The following RANBP10 variants were observed in gnomAD, a reference collection of about 807,000 sequenced individuals.
RANBP10 encodes the protein ran-binding protein 10.
In RANBP10, 24 loss-of-function variants were observed where a neutral mutation model predicts 72.8. The observed-to-expected ratio is 0.33, with a 90% confidence interval of 0.24 to 0.46. The LOEUF (loss-of-function observed/expected upper bound fraction) is 0.46. Among genes scored for constraint, RANBP10 ranks in the 20% least tolerant of loss-of-function variants. RANBP10 has a pLI of 1.00. For synonymous variants in RANBP10, 310 were observed against 322.3 expected (o/e 0.96, Z 0.41); for missense variants, 679 against 817.5 (o/e 0.83, Z 2.07).
rs146660508 is a variant in RANBP10, at chr16:67,733,863, C to A, written c.776+995G>T. 6.9e-3 allele frequency among the ~76,000 whole-genome samples: 1,045 copies of A among 152,292 alleles called. 14 individuals are homozygous for A. The highest frequency in any genetic ancestry group is 0.023 in the African/African-American group (949 of 41,556). ...ATGTGCTGAGCCTAGGCCCTGAAAA[C>A]TGAGAGTATCAGTTCCTCCCCTACA... On this transcript the variant is annotated intron_variant, in intron 6 of 13. Transcript: ENST00000317506.
At chr16:67,781,689 C>G (rs1158858150) in intron 2 of RANBP10, among the ~76,000 whole-genome samples, 1 of 152,138 alleles carries the variant, frequency 6.6e-6, no homozygotes, top group South Asian at 2.1e-4. Flanking sequence ...CATGAGTAGG[C>G]CTGTAACTTC....
intron 12 of RANBP10, 69 bp downstream of exon 12, chr16:67,727,682 C>G: frequency 6.2e-7 from 1 of 1,607,668 alleles, no homozygotes; most frequent in Non-Finnish European, 8.5e-7. Flanking sequence ...CCCCTGGACT[C>G]TCCCAGAGCC....
intron 3 of RANBP10, among the ~76,000 whole-genome samples, chr16:67,761,851 G>A (rs757922294): frequency 6.6e-6 from 1 of 152,072 alleles, no homozygotes; most frequent in Non-Finnish European, 1.5e-5. Flanking sequence ...AGTTATAGGC[G>A]TAAGCCACCG....
At chr16:67,769,435 C>A (rs1217814769) in intron 3 of RANBP10, among the ~76,000 whole-genome samples, 1 of 5,664 alleles carries the variant, frequency 1.8e-4, no homozygotes, top group Non-Finnish European at 6.5e-4. Context: ...CGAAGCAAGA[C>A]CCTGTCTCAA....
At chr16:67,788,289 G>C (rs1171594128) in intron 2 of RANBP10, among the ~76,000 whole-genome samples, 1 of 151,906 alleles carries the variant, frequency 6.6e-6, no homozygotes, top group African/African-American at 2.4e-5. Flanking sequence ...GTCTTGCTCT[G>C]TCGCCCAGGC....
At chr16:67,766,291 T>G (rs2054500793) in intron 3 of RANBP10, among the ~76,000 whole-genome samples, 1 of 152,146 alleles carries the variant, frequency 6.6e-6, no homozygotes, top group Non-Finnish European at 1.5e-5. Context: ...AATAAAAAAG[T>G]GATCCCAGAA....
chr16:67,781,090 G>A (rs969055463), intron 2 of RANBP10, among the ~76,000 whole-genome samples: 2 of 152,234 alleles, frequency 1.3e-5, no homozygotes, highest in Admixed American at 6.5e-5. Flanking sequence ...AGCCCCCAAA[G>A]CAGCCATTCA....
At chr16:67,749,878 C>A (rs1398751771) in intron 3 of RANBP10, among the ~76,000 whole-genome samples, 1 of 152,154 alleles carries the variant, frequency 6.6e-6, no homozygotes, top group African/African-American at 2.4e-5. Flanking sequence ...CCAGGTCTAG[C>A]TCAGACTGTG....
In RANBP10 at chr16:67,729,924, T is replaced by G. The variant is rs1597822433; in HGVS notation, c.998+14A>C. Reference sequence around the variant, plus strand: ...GGCTGGACTCTGGGGGAGCTGGGGGTGCCCAAGACTTACTTGAGCATGAAG... The same window carrying G: ...GGCTGGACTCTGGGGGAGCTGGGGGGGCCCAAGACTTACTTGAGCATGAAG... On this transcript the variant is annotated intron_variant, in intron 8 of 13. Coordinates refer to ENST00000317506, the MANE Select transcript of RANBP10 (RefSeq NM_020850.3). The surrounding 1 kb of genome is among the most constrained non-coding windows in gnomAD (Gnocchi z 7.1). The G allele has an allele frequency of 1.2e-6, 2 of 1,613,312 alleles. No homozygotes were observed. Among genetic ancestry groups the G allele is most frequent in the Non-Finnish European group, 1.7e-6 (2 of 1,179,912 alleles).
intron 3 of RANBP10, among the ~76,000 whole-genome samples, chr16:67,770,739 G>C (rs1195569409): frequency 6.6e-6 from 1 of 152,174 alleles, no homozygotes; most frequent in Non-Finnish European, 1.5e-5. Flanking sequence ...ATGAGCTGCT[G>C]GGCAGAAAAT....
chr16:67,735,255 G>A (rs2053819860), intron 5 of RANBP10, among the ~76,000 whole-genome samples: 2 of 152,216 alleles, frequency 1.3e-5, no homozygotes, highest in South Asian at 4.1e-4. Context: ...AGCAAGCAAG[G>A]CACATCATGG....
rs1197104719 is a variant in RANBP10 at position 67,726,249 on chromosome 16, A to T, written c.*179T>A. 1.2e-6 allele frequency: 1 copy of T among 865,664 alleles called. No homozygotes were observed. Among genetic ancestry groups the T allele is most frequent in the Admixed American group, 2.5e-5 (1 of 40,644 alleles). 53.6% of individuals were successfully genotyped at this position (865,664 alleles called of 1,614,324 possible). On this transcript the variant is annotated 3_prime_UTR_variant, in exon 14 of 14. Coordinates refer to ENST00000317506, the MANE Select transcript of RANBP10 (RefSeq NM_020850.3). Reference sequence around the variant, plus strand: ...GTGAAGGGGAGAGAGAGAGAGACTGAGCGGGGTGGTGGGCAGAGAAAGGAA... The same window carrying T: ...GTGAAGGGGAGAGAGAGAGAGACTGTGCGGGGTGGTGGGCAGAGAAAGGAA...
intron 3 of RANBP10, among the ~76,000 whole-genome samples, chr16:67,770,487 G>A (rs1034078203): frequency 2.6e-5 from 4 of 151,996 alleles, no homozygotes; most frequent in Admixed American, 6.6e-5. Context: ...AAAGACGTAA[G>A]GTCTGAGTGT....
At chr16:67,763,817 C>G (rs989737866) in intron 3 of RANBP10, among the ~76,000 whole-genome samples, 1 of 152,208 alleles carries the variant, frequency 6.6e-6, no homozygotes, top group African/African-American at 2.4e-5. Flanking sequence ...GCCTCAGCCT[C>G]CCGAGTAGCT....
In RANBP10 at chr16:67,789,603, G is replaced by A. The variant is rs182606182; in HGVS notation, c.347+15825C>T. On this transcript the variant is annotated intron_variant, in intron 2 of 13. Transcript: ENST00000317506. Reference sequence around the variant, plus strand: ...TCCTGCCTCAGCCTCCCAAGTAGCTGGGATTATAGGCACACACCACCACGC... The same window carrying A: ...TCCTGCCTCAGCCTCCCAAGTAGCTAGGATTATAGGCACACACCACCACGC... Among the ~76,000 whole-genome samples the A allele has an allele frequency of 2.2e-3, 330 of 151,566 alleles. 6 individuals carry two copies. The highest frequency in any genetic ancestry group is 7.7e-3 in the African/African-American group (316 of 41,150).
chr16:67,806,048 T>C (rs2055411351), intron 1 of RANBP10, among the ~76,000 whole-genome samples: 1 of 152,206 alleles, frequency 6.6e-6, no homozygotes, highest in South Asian at 2.1e-4. Flanking sequence ...ACGGAGGCCC[T>C]GGAGTGGAAG....
intron 2 of RANBP10, among the ~76,000 whole-genome samples, chr16:67,786,439 G>T (rs867102754): frequency 6.6e-6 from 1 of 152,136 alleles, no homozygotes; most frequent in Non-Finnish European, 1.5e-5. Context: ...CAAAAATAAA[G>T]AATTCCTATA....
In RANBP10 at chr16:67,724,301, C is replaced by T. The variant is rs1450896359; in HGVS notation, c.*2127G>A. The stretch of plus-strand genomic sequence containing the variant: ...CAACCCACAGGGATAAGGGATAGTC[C>T]CGGCTCTGCTACTAATTTGCTATGT... On this transcript the variant is annotated 3_prime_UTR_variant, in exon 14 of 14. Transcript: ENST00000317506. The T allele has an allele frequency of 6.6e-6, 1 of 152,210 alleles. No homozygotes were observed. Among genetic ancestry groups the T allele is most frequent in the African/African-American group, 2.4e-5 (1 of 41,446 alleles). 9.4% of individuals were successfully genotyped at this position (152,210 alleles called of 1,614,324 possible). A position where few individuals can be genotyped will look rare whatever the true frequency, so the allele number is the denominator to read the frequency against.
intron 2 of RANBP10, among the ~76,000 whole-genome samples, chr16:67,783,179 C>T (rs985352561): frequency 3.3e-5 from 5 of 152,176 alleles, no homozygotes; most frequent in Admixed American, 6.5e-5. Context: ...AGAGCACACA[C>T]GCAGGAGACC....
Sources: allele counts gnomAD v4.1 joint callset (sites outside exome capture counted in the v4.1 genomes callset), GRCh38; gene constraint gnomAD v4.1.1; non-coding constraint Gnocchi (gnomAD v3.1); transcripts MANE v1.5; gene names NCBI Gene and HGNC (gene_info 2026-07-23, HGNC 2026-07-21).